ASAP1: variants seen among roughly 807,000 people sequenced by gnomAD.
The protein encoded by ASAP1 is arf-GAP with SH3 domain, ANK repeat and PH domain-containing protein 1.
A neutral mutation model predicts 145.2 loss-of-function variants in ASAP1; 43 were observed. That is an observed-to-expected ratio of 0.30 (90% CI 0.23 to 0.38). The LOEUF (loss-of-function observed/expected upper bound fraction) is 0.38. ASAP1 is among the 10% of genes least tolerant of loss of function. The pLI, the probability that ASAP1 is intolerant of heterozygous loss-of-function variation, is 1.00. For missense variants in ASAP1, 1,018 were observed against 1,355.3 expected (o/e 0.75, Z 3.91); for synonymous variants, 546 against 515.5 (o/e 1.06, Z -0.80).
At chr8:130,196,116 C>T (rs911414277) in intron 5 of ASAP1, among the ~76,000 whole-genome samples, 3 of 152,132 alleles carry the variant, frequency 2.0e-5, no homozygotes, top group African/African-American at 4.8e-5. Flanking sequence ...CCGAGGCAGG[C>T]GGATCACCTG....
At chr8:130,395,756 T>C (rs1472922173) in intron 2 of ASAP1, among the ~76,000 whole-genome samples, 1 of 150,826 alleles carries the variant, frequency 6.6e-6, no homozygotes, top group East Asian at 1.9e-4. Context: ...AACCTCCACC[T>C]CCCAGGTTCA....
At chr8:130,165,155 T>C (rs1015844083) in intron 11 of ASAP1, among the ~76,000 whole-genome samples, 8 of 152,300 alleles carry the variant, frequency 5.3e-5, no homozygotes, top group Admixed American at 4.6e-4. Context: ...TTCCTTTGGC[T>C]TATATGCAAC....
chr8:130,249,287 C>T (rs1388197966), intron 3 of ASAP1, among the ~76,000 whole-genome samples: 1 of 152,136 alleles, frequency 6.6e-6, no homozygotes, highest in Non-Finnish European at 1.5e-5. Context: ...CCCTTCTCTG[C>T]CTCACCTCAA....
chr8:130,237,776 T>G (rs1818301010), intron 3 of ASAP1, among the ~76,000 whole-genome samples: 1 of 152,058 alleles, frequency 6.6e-6, no homozygotes. Context: ...TTTCTGTATG[T>G]GTATCACACT....
At chr8:130,320,307 G>C (rs1314451453) in intron 3 of ASAP1, among the ~76,000 whole-genome samples, 1 of 152,188 alleles carries the variant, frequency 6.6e-6, no homozygotes, top group African/African-American at 2.4e-5. Flanking sequence ...TGTAATCCCA[G>C]CACTTTGGGA....
At chr8:130,215,119 C>A (rs186918950) in intron 4 of ASAP1, among the ~76,000 whole-genome samples, 3 of 152,014 alleles carry the variant, frequency 2.0e-5, no homozygotes, top group African/African-American at 4.8e-5. Flanking sequence ...TGAGGCTGGT[C>A]TCAAACTCCT....
At chr8:130,229,050 C>T (rs9297805) in intron 4 of ASAP1, among the ~76,000 whole-genome samples, 48,023 of 152,004 alleles carry the variant, frequency 0.32, 7,693 homozygotes, top group African/African-American at 0.34. Context: ...AACAGACAAA[C>T]TAGCCGAGCA....
intron 3 of ASAP1, among the ~76,000 whole-genome samples, chr8:130,308,904 C>A (rs926177536): frequency 1.3e-5 from 2 of 152,022 alleles, no homozygotes; most frequent in East Asian, 3.9e-4. Flanking sequence ...TAGCTGGGCA[C>A]GGTGGTGTGC....
chr8:130,231,756 G>A (rs1187965130), intron 4 of ASAP1, among the ~76,000 whole-genome samples: 2 of 152,212 alleles, frequency 1.3e-5, no homozygotes, highest in Admixed American at 1.3e-4. Context: ...CGCTTATTAT[G>A]AACCACATGC....
chr8:130,198,899 A>G (rs1302571652), intron 5 of ASAP1, among the ~76,000 whole-genome samples: 1 of 152,112 alleles, frequency 6.6e-6, no homozygotes, highest in African/African-American at 2.4e-5. Flanking sequence ...CAAGCTCCCA[A>G]TTTAGCTCTG....
At chr8:130,179,191 A>C in intron 9 of ASAP1, 73 bp downstream of exon 9, 1 of 885,558 alleles carries the variant, frequency 1.1e-6, no homozygotes, top group Non-Finnish European at 1.8e-6. Context: ...AGATATGAAG[A>C]GGATTAAGAC....
At chr8:130,144,585 G>A (rs1016299367) in intron 13 of ASAP1, among the ~76,000 whole-genome samples, 1 of 152,130 alleles carries the variant, frequency 6.6e-6, no homozygotes, top group Non-Finnish European at 1.5e-5. Context: ...GCCTTTTCTG[G>A]TTCTTACTGC....
chr8:130,226,899 G>A (rs1014013929), intron 4 of ASAP1, among the ~76,000 whole-genome samples: 2 of 152,130 alleles, frequency 1.3e-5, no homozygotes, highest in African/African-American at 4.8e-5. Context: ...TTGAGATGTG[G>A]TCCTAAAATA....
At chr8:130,066,642 T>C (rs561569585) in intron 27 of ASAP1, among the ~76,000 whole-genome samples, 18 of 152,182 alleles carry the variant, frequency 1.2e-4, no homozygotes, top group African/African-American at 3.1e-4. Context: ...CATTCATTCA[T>C]TCATTTGATG....
intron 23 of ASAP1, 146 bp from the exon 24 acceptor site, chr8:130,112,468 T>C (rs775048059): frequency 1.3e-5 from 8 of 623,682 alleles, no homozygotes; most frequent in Non-Finnish European, 2.3e-5. Context: ...AGCCTCATGA[T>C]GCTGACACAG....
At chr8:130,207,161 G>A (rs1286880162) in intron 5 of ASAP1, among the ~76,000 whole-genome samples, 2 of 152,018 alleles carry the variant, frequency 1.3e-5, no homozygotes, top group Non-Finnish European at 2.9e-5. Context: ...CTACTAAGGG[G>A]CACTCAAAGT....
rs1248977728 is a variant in ASAP1, at chr8:130,300,149, C to CAGAG, written c.186+57867_186+57868insCTCT. 1.5e-3 allele frequency among the ~76,000 whole-genome samples: 131 copies of CAGAG among 88,688 alleles called. 1 individual carries two copies. Among genetic ancestry groups the CAGAG allele is most frequent in the African/African-American group, 4.3e-3 (98 of 22,812 alleles). 58.2% of individuals were successfully genotyped at this position (88,688 alleles called of 152,430 possible). On this transcript the variant is annotated intron_variant, in intron 3 of 29. Coordinates refer to ENST00000518721, the MANE Select transcript of ASAP1 (RefSeq NM_018482.4). ...ACACACACACACACACACACACACA[C>CAGAG]ACACAGAGAGAGAGAGAGAGAGAGA... is the stretch of plus-strand genomic sequence containing the variant.
In ASAP1 at chr8:130,058,053, C is replaced by T. The variant is rs1014044964; in HGVS notation, c.3216G>A (p.Val1072=). Residue 1072 remains valine (V), a synonymous_variant, in exon 29 of 30, where the codon GTG becomes GTA. Transcript: ENST00000518721. ...INTGKNKVRR[V]KTIYDCQADN... ...CTGCCTGGCAGTCATAAATGGTCTTCACTCGCCTCACTTTATTTTTCCCCT... is the reference window on the plus strand; with the variant it reads ...CTGCCTGGCAGTCATAAATGGTCTTTACTCGCCTCACTTTATTTTTCCCCT... 9 of 1,613,880 alleles carry T rather than the reference C, an allele frequency of 5.6e-6. No homozygotes were observed. The highest frequency in any genetic ancestry group is 7.6e-6 in the Non-Finnish European group (9 of 1,179,722).
At position 130,328,585 on chromosome 8, in the gene ASAP1, A is replaced by C. The variant is rs1824485862; in HGVS notation, c.186+29432T>G. Among the ~76,000 whole-genome samples the C allele has an allele frequency of 2.0e-5, 3 of 151,664 alleles. No homozygotes were observed. The South Asian group carries it at 6.3e-4, about 32-fold the overall frequency. On this transcript the variant is annotated intron_variant, in intron 3 of 29. Transcript: ENST00000518721. ...TTAAGACAAAAAGCTGTAAAAACCCAATTAATTAGTTATGGCTCAGTAGTT... is the reference window on the plus strand; with the variant it reads ...TTAAGACAAAAAGCTGTAAAAACCCCATTAATTAGTTATGGCTCAGTAGTT...
Sources: allele counts gnomAD v4.1 joint callset (sites outside exome capture counted in the v4.1 genomes callset), GRCh38; gene constraint gnomAD v4.1.1; transcripts MANE v1.5; gene names NCBI Gene and HGNC (gene_info 2026-07-23, HGNC 2026-07-21).